EIF4E: variants seen among roughly 807,000 people sequenced by gnomAD.
The protein encoded by EIF4E is eukaryotic translation initiation factor 4E, also known as eIF-4F 25 kDa subunit.
For missense variants in EIF4E, 113 were observed against 265.6 expected (o/e 0.43, Z 3.99); for synonymous variants, 71 against 88.5 (o/e 0.80, Z 1.11).
rs553426148 is a variant in EIF4E at position 98,915,352 on chromosome 4, T to C, written c.19-13370A>G. Among the ~76,000 whole-genome samples, 9 of 152,136 alleles carry C rather than the reference T, an allele frequency of 5.9e-5. No homozygotes were observed. In the South Asian group the frequency reaches 1.9e-3, roughly 32 times the overall value. ...TTCACAAACAAGTGAACCAAAATAT[T>C]ACCAGAGAACACCTAGTTGTTGAGA... is the stretch of plus-strand genomic sequence containing the variant. On this transcript the variant is annotated intron_variant, in intron 1 of 6. Coordinates refer to ENST00000450253, the MANE Select transcript of EIF4E (RefSeq NM_001968.5).
intron 1 of EIF4E, chr4:98,903,414 TC>T (rs1724731697): frequency 2.2e-6 from 1 of 454,592 alleles, no homozygotes; most frequent in African/African-American, 2.0e-5. Flanking sequence ...CACTCATAGC[TC>T]ACTGCAGCCT....
chr4:98,903,677 G>A lies in EIF4E; in HGVS notation c.19-1695C>T, dbSNP rs528865053. On this transcript the variant is annotated intron_variant, in intron 1 of 6. Coordinates refer to ENST00000450253, the MANE Select transcript of EIF4E (RefSeq NM_001968.5). ...ATTAGCCTATAAAGTCACCCAGAAC[G>A]GAGACCATGTCTTGATTTTACTCAA... Among the ~76,000 whole-genome samples, 133 of 152,132 alleles carry A rather than the reference G, an allele frequency of 8.7e-4. 1 individual carries two copies. In the South Asian group the frequency reaches 0.026, roughly 30 times the overall value.
chr4:98,918,228 G>C (rs1281446160), intron 1 of EIF4E, among the ~76,000 whole-genome samples: 1 of 151,428 alleles, frequency 6.6e-6, no homozygotes, highest in Non-Finnish European at 1.5e-5. Context: ...GCTGGATGTG[G>C]TGGTGGACGC....
intron 1 of EIF4E, among the ~76,000 whole-genome samples, chr4:98,909,348 C>G (rs1368684785): frequency 6.6e-6 from 1 of 152,168 alleles, no homozygotes; most frequent in Non-Finnish European, 1.5e-5. Context: ...CGTTTCTGTT[C>G]CTTGTAGTAT....
At chr4:98,893,640 C>T (rs975112327) in intron 2 of EIF4E, among the ~76,000 whole-genome samples, 1 of 152,194 alleles carries the variant, frequency 6.6e-6, no homozygotes, top group South Asian at 2.1e-4. Context: ...CATCTTCAGG[C>T]TCCATTTCTT....
intron 1 of EIF4E, among the ~76,000 whole-genome samples, chr4:98,926,789 T>C (rs772732031): frequency 1.3e-5 from 2 of 152,210 alleles, no homozygotes; most frequent in Non-Finnish European, 2.9e-5. Context: ...TTGTATAACT[T>C]TGTATCCTAA....
chr4:98,896,100 G>A (rs915940767), intron 2 of EIF4E, among the ~76,000 whole-genome samples: 7 of 152,202 alleles, frequency 4.6e-5, no homozygotes, highest in African/African-American at 1.7e-4. Context: ...GGAGGCTGAG[G>A]CAGGAGAATC....
intron 1 of EIF4E, among the ~76,000 whole-genome samples, chr4:98,919,428 C>A (rs987779010): frequency 2.0e-5 from 3 of 151,270 alleles, no homozygotes; most frequent in Admixed American, 2.0e-4. Flanking sequence ...AAATACAGAG[C>A]GACAAGCTTT....
At chr4:98,921,014 T>C (rs1459613722) in intron 1 of EIF4E, among the ~76,000 whole-genome samples, 1 of 152,164 alleles carries the variant, frequency 6.6e-6, no homozygotes, top group Non-Finnish European at 1.5e-5. Flanking sequence ...TAATTATGAG[T>C]TCTATAAAAA....
intron 1 of EIF4E, among the ~76,000 whole-genome samples, chr4:98,920,451 C>G (rs779384262): frequency 6.6e-6 from 1 of 152,034 alleles, no homozygotes; most frequent in South Asian, 2.1e-4. Context: ...CCCATGAACA[C>G]GCTCGGCTAA....
At position 98,888,546 on chromosome 4, in the gene EIF4E, G is replaced by A. The variant is rs150132640; in HGVS notation, c.222-594C>T. ...ATATAGTTACAAGCCCTACATCTTG[G>A]GATTATAATCACCTAAATATAAGAT... On this transcript the variant is annotated intron_variant, in intron 3 of 6. Transcript: ENST00000450253. Among the ~76,000 whole-genome samples the A allele has an allele frequency of 6.9e-3, 1,047 of 151,750 alleles. 9 individuals are homozygous for A. The highest frequency in any genetic ancestry group is 0.017 in the Middle Eastern group (5 of 294).
chr4:98,884,038 C>A (rs369973515), intron 6 of EIF4E, among the ~76,000 whole-genome samples: 2,062 of 101,138 alleles, frequency 0.02, no homozygotes, highest in South Asian at 0.027. Context: ...GACCCTGTCT[C>A]AAAAAAAAAA....
In EIF4E at chr4:98,917,110, AC is replaced by A. The variant is rs1331717720; in HGVS notation, c.18+11984del. ...CACACACACACACACACACACACAC[AC>A]ACACACACACACACACACACACAAA... On this transcript the variant is annotated intron_variant, in intron 1 of 6. Transcript: ENST00000450253. Among the ~76,000 whole-genome samples, 17 of 79,284 alleles carry A rather than the reference AC, an allele frequency of 2.1e-4. No homozygotes were observed. The East Asian group carries it at 9.2e-3, about 43-fold the overall frequency. 52.0% of individuals were successfully genotyped at this position (79,284 alleles called of 152,430 possible).
At chr4:98,911,229 A>T (rs1725113698) in intron 1 of EIF4E, among the ~76,000 whole-genome samples, 1 of 150,764 alleles carries the variant, frequency 6.6e-6, no homozygotes, top group East Asian at 2.0e-4. Context: ...TTGTATTTTT[A>T]GTACAGACAG....
At chr4:98,917,939 G>A (rs1481451654) in intron 1 of EIF4E, among the ~76,000 whole-genome samples, 2 of 151,634 alleles carry the variant, frequency 1.3e-5, no homozygotes, top group African/African-American at 2.4e-5. Flanking sequence ...AGCCGGGCGT[G>A]GTGGCGCACA....
chr4:98,901,762 T>G, intron 2 of EIF4E, 114 bp downstream of exon 2: 1 of 1,002,886 alleles, frequency 1.0e-6, no homozygotes, highest in East Asian at 2.4e-5. Context: ...AATAGAACCC[T>G]CAACCTTAGC....
At chr4:98,886,582 G>A (rs1579149802) in intron 5 of EIF4E, 1 of 395,638 alleles carries the variant, frequency 2.5e-6, no homozygotes. Context: ...GGGCATGGTG[G>A]CATGCACCTG....
At position 98,891,556 on chromosome 4, in the gene EIF4E, C is replaced by G. The variant is rs907399421; in HGVS notation, c.126-224G>C. 45 of 546,294 alleles carry G rather than the reference C, an allele frequency of 8.2e-5. No individual in the cohort carries two copies. The East Asian group carries it at 1.4e-3, about 17-fold the overall frequency. The allele number at this position is 546,294 out of a possible 1,614,324, so 33.8% of individuals were successfully genotyped here. On this transcript the variant is annotated intron_variant, in intron 2 of 6. Coordinates refer to ENST00000450253, the MANE Select transcript of EIF4E (RefSeq NM_001968.5). ...TAAGGACATTAAGTGAATAAGCCAG[C>G]CCCCCTCCAAAAAAGACAAATACTG... is the stretch of plus-strand genomic sequence containing the variant.
At chr4:98,924,737 C>T (rs757541337) in intron 1 of EIF4E, among the ~76,000 whole-genome samples, 2 of 152,068 alleles carry the variant, frequency 1.3e-5, no homozygotes, top group African/African-American at 4.8e-5. Context: ...GGATTACAGG[C>T]GCCTGCCACC....
Sources: allele counts gnomAD v4.1 joint callset (sites outside exome capture counted in the v4.1 genomes callset), GRCh38; gene constraint gnomAD v4.1.1; transcripts MANE v1.5; gene names NCBI Gene and HGNC (gene_info 2026-07-23, HGNC 2026-07-21).